The following DCDC1 variants were observed in gnomAD, a reference collection of about 807,000 sequenced individuals.
The protein encoded by DCDC1 is doublecortin domain containing 1, also known as doublecortin domain-containing protein 1.
In DCDC1, 200 loss-of-function variants were observed where a neutral mutation model predicts 178.3. The observed-to-expected ratio is 1.12, with a 90% CI of 1.00 to 1.26. The LOEUF (loss-of-function observed/expected upper bound fraction) is 1.26. Among genes scored for constraint, DCDC1 ranks in the 50% most tolerant of loss-of-function variants. DCDC1 has a pLI of 0.00. For synonymous variants in DCDC1, 690 were observed against 604.8 expected (o/e 1.14, Z -2.07); for missense variants, 1,983 against 1,749.2 (o/e 1.13, Z -2.38).
intron 6 of DCDC1, among the ~76,000 whole-genome samples, chr11:31,296,089 T>C (rs899707949): frequency 2.0e-5 from 3 of 151,978 alleles, no homozygotes; most frequent in African/African-American, 4.8e-5. Flanking sequence ...AGTCAGTCAG[T>C]CAGCCAGCCA....
At chr11:30,887,326 AG>A (rs1192107680) in intron 36 of DCDC1, among the ~76,000 whole-genome samples, 1 of 152,208 alleles carries the variant, frequency 6.6e-6, no homozygotes, top group Non-Finnish European at 1.5e-5. Flanking sequence ...AACTCCTTTA[AG>A]GGGAAGATAA....
chr11:31,199,386 A>T (rs1472213866), intron 9 of DCDC1, among the ~76,000 whole-genome samples: 2 of 152,086 alleles, frequency 1.3e-5, no homozygotes, highest in African/African-American at 2.4e-5. Context: ...GATCAACAAA[A>T]CTTAAGAATC....
chr11:30,871,370 C>T (rs1428167998), intron 38 of DCDC1, among the ~76,000 whole-genome samples: 5 of 152,080 alleles, frequency 3.3e-5, no homozygotes, highest in African/African-American at 1.2e-4. Context: ...GAGGCCACCA[C>T]GAAGCCTGTT....
Position 30,916,990 on chromosome 11 carries a change from C to G in DCDC1, c.3332G>C (p.Cys1111Ser), listed in dbSNP as rs1254423908. 1.9e-6 allele frequency: 3 copies of G among 1,609,548 alleles called. No homozygotes were observed. Among genetic ancestry groups the G allele is most frequent in the Non-Finnish European group, 2.5e-6 (3 of 1,177,958 alleles). ...HVRAHLRMKACHTLPRYAWQE... is the reference protein window; with the variant it reads ...HVRAHLRMKASHTLPRYAWQE... Reference sequence around the variant, plus strand: ...CCAGGCATACCTGGGAAGTGTGTGACAAGCCTTCATTCGAAGATGAGCTCT... The same window carrying G: ...CCAGGCATACCTGGGAAGTGTGTGAGAAGCCTTCATTCGAAGATGAGCTCT... Residue 1111 changes from cysteine to serine, a missense_variant, in exon 26 of 39, where the codon TGT becomes TCT. Physicochemically the swap from Cys to Ser is moderately radical, Grantham distance 112. Transcript: ENST00000684477.
chr11:31,230,956 AT>A lies in DCDC1; in HGVS notation c.1221+10493del, dbSNP rs1392559384. Among the ~76,000 whole-genome samples the A allele has an allele frequency of 1.1e-4, 17 of 151,804 alleles. No individual in the cohort carries two copies. In the East Asian group the frequency reaches 2.9e-3, roughly 26 times the overall value. On this transcript the variant is annotated intron_variant, in intron 9 of 38. Transcript: ENST00000684477. ...TCTTTAACATTCAGGAAGTTATGAA[AT>A]TTTTTTGTTTTTGTTTTTTTGAGAC... is the stretch of plus-strand genomic sequence containing the variant.
In DCDC1 at chr11:31,319,446, A is replaced by T. The variant is rs1412233438; in HGVS notation, c.164+8671T>A. Among the ~76,000 whole-genome samples the T allele has an allele frequency of 1.8e-4, 12 of 67,802 alleles. 4 individuals carry two copies. The highest frequency in any genetic ancestry group is 2.9e-4 in the Non-Finnish European group (11 of 37,882). 44.5% of individuals were successfully genotyped at this position (67,802 alleles called of 152,430 possible). On this transcript the variant is annotated intron_variant, in intron 3 of 38. Coordinates refer to ENST00000684477, the MANE Select transcript of DCDC1 (RefSeq NM_001387274.1). ...TCTCTTTTGATCTTTGTTGGTTTAA[A>T]GTCTGTTTTATCAGAGACTAGGATT...
rs757733808 is a variant in DCDC1, at chr11:30,903,502, ATC to A, written c.4488_4489del (p.Gln1496HisfsTer4). 6.3e-7 allele frequency: 1 copy of A among 1,598,668 alleles called. No individual in the cohort carries two copies. Among genetic ancestry groups the A allele is most frequent in the South Asian group, 1.1e-5 (1 of 88,098 alleles). ...CCAACCTTCCATACTTTCAACAATT[ATC>A]TGTTCTTTTCCAACAGGAGCTGCAT... On this transcript the variant is annotated frameshift_variant, in exon 32 of 39. Transcript: ENST00000684477. LOFTEE classifies it high-confidence loss of function.
intron 1 of DCDC1, among the ~76,000 whole-genome samples, chr11:31,363,598 C>T (rs1241691499): frequency 6.6e-6 from 1 of 152,086 alleles, no homozygotes; most frequent in East Asian, 1.9e-4. Flanking sequence ...AGTTAATATA[C>T]ACTAGTGAAT....
intron 26 of DCDC1, among the ~76,000 whole-genome samples, 167 bp from the exon 27 acceptor site, chr11:30,915,878 T>C (rs1945795593): frequency 6.6e-6 from 1 of 152,214 alleles, no homozygotes; most frequent in Non-Finnish European, 1.5e-5. Context: ...CTACCAGCAC[T>C]GCACTTCTAA....
chr11:31,266,588 C>A (rs570983199), intron 7 of DCDC1, among the ~76,000 whole-genome samples: 1 of 152,096 alleles, frequency 6.6e-6, no homozygotes, highest in Non-Finnish European at 1.5e-5. Context: ...TATTACTTTC[C>A]CATAACCAAG....
intron 21 of DCDC1, among the ~76,000 whole-genome samples, chr11:30,952,051 G>T (rs2134482100): frequency 6.6e-6 from 1 of 152,104 alleles, no homozygotes; most frequent in Non-Finnish European, 1.5e-5. Context: ...AGATATACTA[G>T]GAAAATAATA....
intron 20 of DCDC1, among the ~76,000 whole-genome samples, chr11:31,021,735 A>C (rs1952893626): frequency 6.6e-6 from 1 of 152,154 alleles, no homozygotes; most frequent in African/African-American, 2.4e-5. Context: ...TAATTTAAAA[A>C]TTTGGTGGTG....
chr11:31,049,937 C>T (rs1955130976), intron 20 of DCDC1, among the ~76,000 whole-genome samples: 1 of 152,162 alleles, frequency 6.6e-6, no homozygotes, highest in Non-Finnish European at 1.5e-5. Flanking sequence ...AGGAGTAAAA[C>T]TCCACAGGGA....
intron 18 of DCDC1, among the ~76,000 whole-genome samples, chr11:31,073,367 T>C (rs1356182448): frequency 4.6e-5 from 7 of 151,422 alleles, no homozygotes; most frequent in African/African-American, 1.5e-4. Context: ...GCAGTGGATA[T>C]GAAGGCACCT....
intron 1 of DCDC1, among the ~76,000 whole-genome samples, chr11:31,341,927 G>A (rs1950573115): frequency 1.3e-5 from 2 of 151,908 alleles, no homozygotes; most frequent in South Asian, 2.1e-4. Flanking sequence ...GGCTGAGGTG[G>A]AACTGGTGCC....
At chr11:31,359,976 C>A (rs1309774516) in intron 1 of DCDC1, among the ~76,000 whole-genome samples, 1 of 152,138 alleles carries the variant, frequency 6.6e-6, no homozygotes, top group African/African-American at 2.4e-5. Flanking sequence ...ATCTGCCTTA[C>A]CTACCTCACA....
chr11:31,245,823 T>C (rs1448149551), intron 8 of DCDC1, among the ~76,000 whole-genome samples: 1 of 151,880 alleles, frequency 6.6e-6, no homozygotes, highest in Non-Finnish European at 1.5e-5. Context: ...ACCCCAAAAA[T>C]GAGTTCAAAT....
chr11:30,874,320 C>T (rs1565009502), intron 38 of DCDC1, among the ~76,000 whole-genome samples: 2 of 152,188 alleles, frequency 1.3e-5, no homozygotes, highest in African/African-American at 2.4e-5. Context: ...GCCTGGAAAT[C>T]TGTATTTTAT....
intron 11 of DCDC1, among the ~76,000 whole-genome samples, chr11:31,120,485 T>C (rs543680273): frequency 1.6e-4 from 24 of 152,144 alleles, no homozygotes; most frequent in Non-Finnish European, 2.5e-4. Context: ...CAACACTCCA[T>C]TGATTTGTTG....
Sources: gnomAD v4.1 joint callset for allele counts (sites outside exome capture counted in the v4.1 genomes callset) on GRCh38, gnomAD v4.1.1 for gene constraint, MANE v1.5 for transcripts, NCBI Gene and HGNC (gene_info 2026-07-23, HGNC 2026-07-21) for gene names.